Variants in GOLM1 observed in about 807,000 individuals in gnomAD.
GOLM1 encodes epididymis luminal protein 46.
GOLM1 carries 31 observed loss-of-function variants against 50.5 expected under a neutral mutation model. The ratio of observed to expected loss-of-function variants is 0.61; its 90% CI spans 0.46 to 0.83. GOLM1 has a LOEUF of 0.83. Among genes scored for constraint, GOLM1 ranks in the 40% least tolerant of loss-of-function variants. The pLI, the probability that GOLM1 is intolerant of heterozygous loss-of-function variation, is 0.00. For missense variants in GOLM1, 491 were observed against 501.3 expected (o/e 0.98, Z 0.20); for synonymous variants, 178 against 192.8 (o/e 0.92, Z 0.64).
In GOLM1 at chr9:86,046,598, A is replaced by G. The variant is rs1833552455; in HGVS notation, c.365-26T>C. On this transcript the variant is annotated intron_variant, in intron 4 of 9. Transcript: ENST00000388712. ...CTACACCAAGGGGACAAGGAATTGC[A>G]CAGGTCACCGGCACAGCTGTCATGC... 3.5e-6 allele frequency: 5 copies of G among 1,422,824 alleles called. No individual in the cohort carries two copies. In the South Asian group the frequency reaches 4.7e-5, roughly 13 times the overall value. 88.1% of individuals were successfully genotyped at this position (1,422,824 alleles called of 1,614,324 possible).
intron 1 of GOLM1, among the ~76,000 whole-genome samples, chr9:86,095,990 TGA>T (rs949735313): frequency 1.3e-5 from 2 of 152,226 alleles, no homozygotes; most frequent in African/African-American, 4.8e-5. Flanking sequence ...TGAATTTTGG[TGA>T]GTTGTATAAT....
chr9:86,037,429 ACTGT>A (rs76487776), intron 6 of GOLM1, among the ~76,000 whole-genome samples: 3,464 of 143,720 alleles, frequency 0.024, 91 homozygotes, highest in South Asian at 0.095. Flanking sequence ...ACAGAGCGAG[ACTGT>A]CTCTCAAAAA....
intron 3 of GOLM1, among the ~76,000 whole-genome samples, chr9:86,072,369 A>G (rs1299868852): frequency 7.2e-5 from 11 of 152,184 alleles, no homozygotes; most frequent in Non-Finnish European, 4.4e-5. Flanking sequence ...TCTATGTCTC[A>G]TTATGTCACC....
intron 5 of GOLM1, among the ~76,000 whole-genome samples, chr9:86,043,461 C>T (rs1440590262): frequency 6.6e-6 from 1 of 152,136 alleles, no homozygotes; most frequent in African/African-American, 2.4e-5. Context: ...TTCAGAGGCC[C>T]ATATAATTTG....
chr9:86,097,180 T>C (rs1325071617), intron 1 of GOLM1, among the ~76,000 whole-genome samples: 9 of 152,182 alleles, frequency 5.9e-5, no homozygotes, highest in Non-Finnish European at 1.5e-5. Context: ...TCTCTTTTAA[T>C]GTAACTTCAT....
intron 3 of GOLM1, among the ~76,000 whole-genome samples, chr9:86,068,166 A>G (rs1334434634): frequency 6.6e-6 from 1 of 152,188 alleles, no homozygotes; most frequent in Non-Finnish European, 1.5e-5. Flanking sequence ...AGAGGCAAGC[A>G]GGCCATGTGA....
chr9:86,034,365 G>A (rs978586811), intron 8 of GOLM1, among the ~76,000 whole-genome samples: 2 of 152,256 alleles, frequency 1.3e-5, no homozygotes, highest in East Asian at 3.9e-4. Flanking sequence ...TGTGTCCACC[G>A]CGTTTCTTCA....
intron 6 of GOLM1, among the ~76,000 whole-genome samples, chr9:86,039,577 G>A (rs1833263773): frequency 6.6e-6 from 1 of 152,152 alleles, no homozygotes; most frequent in African/African-American, 2.4e-5. Context: ...TCCACATGTG[G>A]TCTATCCACA....
At position 86,087,689 on chromosome 9, in the gene GOLM1, T is replaced by G. The variant is rs1835022912; in HGVS notation, c.-21-8348A>C. Among the ~76,000 whole-genome samples, 3 of 152,212 alleles carry G rather than the reference T, an allele frequency of 2.0e-5. No individual in the cohort carries two copies. The South Asian group carries it at 6.2e-4, about 32-fold the overall frequency. ...TGATCGAAGGCCTTTTCTGCATCTA[T>G]TGAGAGAACCATGTGGTTTTTGCCA... On this transcript the variant is annotated intron_variant, in intron 1 of 9. Transcript: ENST00000388712.
chr9:86,077,040 C>A (rs1296361691), intron 3 of GOLM1, among the ~76,000 whole-genome samples: 1 of 151,716 alleles, frequency 6.6e-6, no homozygotes, highest in Non-Finnish European at 1.5e-5. Flanking sequence ...TTGGAGGGCA[C>A]AAATATTATT....
intron 7 of GOLM1, among the ~76,000 whole-genome samples, chr9:86,035,998 C>G (rs1833130044): frequency 6.6e-6 from 1 of 152,096 alleles, no homozygotes; most frequent in African/African-American, 2.4e-5. Flanking sequence ...GGAGCCAGGG[C>G]AGGCAGGCCC....
chr9:86,028,606 T>C (rs931358279), intron 9 of GOLM1, among the ~76,000 whole-genome samples: 2 of 152,298 alleles, frequency 1.3e-5, no homozygotes, highest in South Asian at 2.1e-4. Context: ...GAGGGTCTAA[T>C]TGAACTGATT....
intron 4 of GOLM1, among the ~76,000 whole-genome samples, chr9:86,048,976 C>G (rs1360623148): frequency 1.3e-5 from 2 of 152,194 alleles, no homozygotes; most frequent in African/African-American, 4.8e-5. Flanking sequence ...ATGGTATTGC[C>G]TAAGTTTTCT....
intron 1 of GOLM1, among the ~76,000 whole-genome samples, chr9:86,089,680 G>T (rs1380582125): frequency 6.6e-6 from 1 of 152,058 alleles, no homozygotes; most frequent in Non-Finnish European, 1.5e-5. Context: ...AAGGTTCTTA[G>T]CTTCCTTGCA....
intron 1 of GOLM1, among the ~76,000 whole-genome samples, chr9:86,091,655 C>T (rs1835189719): frequency 6.6e-6 from 1 of 152,162 alleles, no homozygotes; most frequent in Admixed American, 6.5e-5. Context: ...AACTCCTGGA[C>T]CTAAGCAATC....
chr9:86,059,899 CAAAAAAAAAAA>C (rs139699884), intron 3 of GOLM1, among the ~76,000 whole-genome samples: 2 of 52,450 alleles, frequency 3.8e-5, no homozygotes, highest in Non-Finnish European at 3.8e-5. Context: ...GAGTCTATCT[CAAAAAAAAAAA>C]AAAAAAAAAA....
chr9:86,034,279 A>G (rs1028559723), intron 8 of GOLM1, among the ~76,000 whole-genome samples: 4 of 152,178 alleles, frequency 2.6e-5, no homozygotes, highest in African/African-American at 4.8e-5. Context: ...AATCTTTTTT[A>G]AAAGTGCACA....
intron 1 of GOLM1, chr9:86,080,118 A>T (rs1485929075): frequency 1.3e-5 from 2 of 152,206 alleles, no homozygotes; most frequent in African/African-American, 2.4e-5. Context: ...GCCAAACGAG[A>T]GCACCTTCTT....
At position 86,077,824 on chromosome 9, in the gene GOLM1, T is replaced by C. The variant is rs1036892019; in HGVS notation, c.130-233A>G. 6.1e-6 allele frequency: 3 copies of C among 491,218 alleles called. No individual in the cohort carries two copies. The Admixed American group carries it at 1.0e-4, about 17-fold the overall frequency. The allele number at this position is 491,218 out of a possible 1,614,324, so 30.4% of individuals were successfully genotyped here. The stretch of plus-strand genomic sequence containing the variant: ...AAGGCTCTGTGCACTCACACCACAC[T>C]TCCCACTGGGTTTTTGTGAGGCTTA... On this transcript the variant is annotated intron_variant, in intron 2 of 9. Transcript: ENST00000388712.
Sources: allele counts gnomAD v4.1 joint callset (sites outside exome capture counted in the v4.1 genomes callset), GRCh38; gene constraint gnomAD v4.1.1; transcripts MANE v1.5; gene names NCBI Gene and HGNC (gene_info 2026-07-23, HGNC 2026-07-21).